DISC1: variants seen among roughly 807,000 people sequenced by gnomAD.
DISC1 encodes DISC1 scaffold protein, also known as disrupted in schizophrenia 1 protein.
In DISC1, 57 loss-of-function variants were observed where a neutral mutation model predicts 84.5. That is an observed-to-expected ratio of 0.67 (90% CI 0.55 to 0.84). DISC1 has a LOEUF of 0.84. Ranked by LOEUF, DISC1 falls within the 40% of genes least tolerant of loss-of-function variation. DISC1 has a pLI of 0.00. For synonymous variants in DISC1, 411 were observed against 415.2 expected, an observed-to-expected ratio of 0.99 and a Z score of 0.12; for missense variants, 1,000 against 1,057.8, an observed-to-expected ratio of 0.95 and a Z score of 0.76.
At chr1:231,940,060 A>G (rs1435489561) in intron 9 of DISC1, among the ~76,000 whole-genome samples, 1 of 151,990 alleles carries the variant, frequency 6.6e-6, no homozygotes, top group Non-Finnish European at 1.5e-5. Flanking sequence ...CTTATTCTTA[A>G]TATTTTAACT....
At chr1:231,995,237 T>C (rs1004069817) in intron 10 of DISC1, among the ~76,000 whole-genome samples, 1 of 152,140 alleles carries the variant, frequency 6.6e-6, no homozygotes, top group African/African-American at 2.4e-5. Flanking sequence ...CTTCATCAGT[T>C]TGCAGTGGAA....
intron 3 of DISC1, among the ~76,000 whole-genome samples, chr1:231,709,633 G>A (rs2124996430): frequency 6.6e-6 from 1 of 152,182 alleles, no homozygotes; most frequent in Admixed American, 6.5e-5. Context: ...ACAGCTTCAA[G>A]GTTAGGTGTG....
chr1:231,856,139 G>A (rs2084254789), intron 9 of DISC1, among the ~76,000 whole-genome samples: 1 of 152,162 alleles, frequency 6.6e-6, no homozygotes, highest in African/African-American at 2.4e-5. Context: ...TGGGAGATGG[G>A]TTGCCCAATT....
chr1:231,785,992 T>C (rs1303194266), intron 6 of DISC1, among the ~76,000 whole-genome samples: 1 of 152,200 alleles, frequency 6.6e-6, no homozygotes, highest in African/African-American at 2.4e-5. Context: ...ATATTTCTAA[T>C]ATCTAATATA....
In DISC1 at chr1:231,726,865, T is replaced by G. The variant is rs560128950; in HGVS notation, c.1118-23061T>G. ...ATCATATCCATAATCACATCCATGA[T>G]CTCTCTCTTAGCCTATGATGGACAA... On this transcript the variant is annotated intron_variant, in intron 3 of 12. Coordinates refer to ENST00000439617, the MANE Select transcript of DISC1 (RefSeq NM_018662.3). Among the ~76,000 whole-genome samples, 18 of 152,284 alleles carry G rather than the reference T, an allele frequency of 1.2e-4. 2 individuals are homozygous for G. Among genetic ancestry groups the G allele is most frequent in the African/African-American group, 4.3e-4 (18 of 41,558 alleles).
At chr1:231,825,613 A>G (rs2081808504) in intron 9 of DISC1, among the ~76,000 whole-genome samples, 1 of 152,156 alleles carries the variant, frequency 6.6e-6, no homozygotes, top group African/African-American at 2.4e-5. Context: ...GGACCCTATC[A>G]TGTATTGCAG....
intron 9 of DISC1, among the ~76,000 whole-genome samples, chr1:231,920,012 T>G (rs191858463): frequency 6.6e-6 from 1 of 152,288 alleles, no homozygotes; most frequent in East Asian, 1.9e-4. Flanking sequence ...GACACCTCTT[T>G]GCTGTAGGGG....
chr1:231,906,369 A>G (rs2126039501), intron 9 of DISC1, among the ~76,000 whole-genome samples: 1 of 152,284 alleles, frequency 6.6e-6, no homozygotes, highest in East Asian at 1.9e-4. Context: ...ACGTAAGTAC[A>G]ATGCCTGATA....
At chr1:231,777,518 T>C (rs2793096) in intron 6 of DISC1, among the ~76,000 whole-genome samples, 92,477 of 152,020 alleles carry the variant, frequency 0.61, 28,418 homozygotes, top group Middle Eastern at 0.71. Flanking sequence ...TTCCCCCTAC[T>C]CCCCTTTTTA....
intron 9 of DISC1, among the ~76,000 whole-genome samples, chr1:231,836,672 C>T (rs1176962966): frequency 6.6e-6 from 1 of 152,182 alleles, no homozygotes; most frequent in Non-Finnish European, 1.5e-5. Flanking sequence ...TCACATTCTC[C>T]TCTCCACCTT....
chr1:231,912,740 CTCTTCTTTCTT>C (rs767522960), intron 9 of DISC1, among the ~76,000 whole-genome samples: 6,407 of 147,648 alleles, frequency 0.043, 263 homozygotes, highest in East Asian at 0.17. Flanking sequence ...CTGCAGCTTG[CTCTTCTTTCTT>C]TCTTTCTTTC....
chr1:231,722,843 C>T (rs1408103189), intron 3 of DISC1: 2 of 1,418,224 alleles, frequency 1.4e-6, no homozygotes, highest in Admixed American at 5.8e-5. Flanking sequence ...ACCGTTTCTC[C>T]CATGCGTTTC....
chr1:231,900,240 G>A (rs1419951886), intron 9 of DISC1, among the ~76,000 whole-genome samples: 1 of 152,150 alleles, frequency 6.6e-6, no homozygotes, highest in Non-Finnish European at 1.5e-5. Flanking sequence ...AAAAATCTTA[G>A]CTCAGATTCT....
chr1:232,000,967 A>G (rs929995571), intron 10 of DISC1, among the ~76,000 whole-genome samples: 1 of 152,256 alleles, frequency 6.6e-6, no homozygotes. Context: ...GGAATATAGA[A>G]TAAAAAGAGT....
chr1:231,721,784 G>A (rs1266712559), intron 3 of DISC1, among the ~76,000 whole-genome samples: 1 of 151,924 alleles, frequency 6.6e-6, no homozygotes, highest in Admixed American at 6.6e-5. Flanking sequence ...ATCTCAAAAA[G>A]GGCTCTGTTG....
chr1:231,937,854 C>T (rs1012925323), intron 9 of DISC1, among the ~76,000 whole-genome samples: 3 of 147,556 alleles, frequency 2.0e-5, no homozygotes, highest in African/African-American at 7.4e-5. Context: ...CACAACTAAT[C>T]TTTTTTTTTT....
chr1:231,974,611 T>A (rs569881962), intron 10 of DISC1, among the ~76,000 whole-genome samples: 18 of 152,208 alleles, frequency 1.2e-4, no homozygotes, highest in Non-Finnish European at 2.2e-4. Flanking sequence ...AACCTGGAGA[T>A]AATTAGCAGA....
intron 9 of DISC1, among the ~76,000 whole-genome samples, chr1:231,836,588 TGCAGCTGTTG>T (rs2082644456): frequency 2.0e-5 from 3 of 152,370 alleles, no homozygotes; most frequent in Middle Eastern, 6.8e-3. Context: ...TTCTACCTGT[TGCAGCTGTTG>T]GGAGTCATTC....
Position 231,886,770 on chromosome 1 carries a change from T to A in DISC1, c.1981+68253T>A, listed in dbSNP as rs7536833. ...TTCTTCCTTTCTTCCTTCCTTCCTT[T>A]CTTTCTTTCTTTCTTTCTTTCTTTC... On this transcript the variant is annotated intron_variant, in intron 9 of 12. Transcript: ENST00000439617. Among the ~76,000 whole-genome samples, 304 of 38,282 alleles carry A rather than the reference T, an allele frequency of 7.9e-3. 8 individuals carry two copies. The highest frequency in any genetic ancestry group is 0.028 in the African/African-American group (292 of 10,568). The allele number at this position is 38,282 out of a possible 152,430, so 25.1% of individuals were successfully genotyped here. A position where few individuals can be genotyped will look rare whatever the true frequency, so the allele number is the denominator to read the frequency against.
Sources: gnomAD v4.1 joint callset for allele counts (sites outside exome capture counted in the v4.1 genomes callset) on GRCh38, gnomAD v4.1.1 for gene constraint, MANE v1.5 for transcripts, NCBI Gene and HGNC (gene_info 2026-07-23, HGNC 2026-07-21) for gene names.